The following CACHD1 variants were observed in gnomAD, a reference collection of about 807,000 sequenced individuals.
CACHD1 encodes the protein VWFA and cache domain-containing protein 1.
Under a neutral mutation model 138.7 loss-of-function variants are expected in CACHD1, and 71 were observed. The ratio of observed to expected loss-of-function variants is 0.51; its 90% CI spans 0.42 to 0.62. The LOEUF (loss-of-function observed/expected upper bound fraction) is 0.62. CACHD1 is among the 20% of genes least tolerant of loss of function. The pLI is 0.00. For missense variants in CACHD1, 1,389 were observed against 1,625.3 expected (o/e 0.85, Z 2.50); for synonymous variants, 578 against 591.5 (o/e 0.98, Z 0.33).
At position 64,490,377 on chromosome 1, in the gene CACHD1, TA is replaced by T; in HGVS notation, c.198+19436del. 7.1e-5 allele frequency among the ~76,000 whole-genome samples: 5 copies of T among 70,708 alleles called. 2 individuals carry two copies. The highest frequency in any genetic ancestry group is 1.4e-4 in the African/African-American group (5 of 36,826). 46.4% of individuals were successfully genotyped at this position (70,708 alleles called of 152,430 possible). The stretch of plus-strand genomic sequence containing the variant: ...TTAATAGAAAACATTCATGCACCTC[TA>T]GGGGGGAGAAATTAAAGCACATACT... On this transcript the variant is annotated intron_variant, in intron 1 of 26. Coordinates refer to ENST00000651257, the MANE Select transcript of CACHD1 (RefSeq NM_020925.4).
chr1:64,532,901 C>T (rs989737277), intron 1 of CACHD1, among the ~76,000 whole-genome samples: 1 of 152,136 alleles, frequency 6.6e-6, no homozygotes, highest in Non-Finnish European at 1.5e-5. Context: ...GTAGTAGTAG[C>T]AGCAGCAGCA....
chr1:64,665,821 G>A (rs536491824), intron 15 of CACHD1, among the ~76,000 whole-genome samples: 5 of 152,058 alleles, frequency 3.3e-5, no homozygotes, highest in Admixed American at 6.5e-5. Context: ...TCGAGACCAC[G>A]GTGAAACCCC....
At chr1:64,552,148 GT>G (rs990511608) in intron 2 of CACHD1, among the ~76,000 whole-genome samples, 22 of 152,008 alleles carry the variant, frequency 1.4e-4, no homozygotes, top group African/African-American at 4.6e-4. Context: ...AAATGTGAAA[GT>G]TTTTTCCCCC....
At chr1:64,512,784 G>A (rs1184118113) in intron 1 of CACHD1, among the ~76,000 whole-genome samples, 4 of 152,162 alleles carry the variant, frequency 2.6e-5, no homozygotes, top group Non-Finnish European at 4.4e-5. Context: ...ATCTTTTGGC[G>A]GGGTAGAACT....
chr1:64,548,286 T>C (rs1382549121), intron 1 of CACHD1, among the ~76,000 whole-genome samples: 4 of 152,188 alleles, frequency 2.6e-5, no homozygotes, highest in African/African-American at 7.2e-5. Flanking sequence ...TTTGCCAAGA[T>C]AGAACAGATA....
chr1:64,505,608 C>G (rs1370203914), intron 1 of CACHD1, among the ~76,000 whole-genome samples: 6 of 130,170 alleles, frequency 4.6e-5, no homozygotes, highest in African/African-American at 1.8e-4. Context: ...CCTGGGCACA[C>G]CCTATGCCGC....
intron 1 of CACHD1, among the ~76,000 whole-genome samples, chr1:64,530,334 G>C (rs1485685952): frequency 6.6e-6 from 1 of 152,100 alleles, no homozygotes; most frequent in East Asian, 1.9e-4. Context: ...TTCTTAAATA[G>C]TCAGTGAAAA....
chr1:64,557,004 A>G (rs975229942), intron 2 of CACHD1, among the ~76,000 whole-genome samples: 5 of 152,114 alleles, frequency 3.3e-5, no homozygotes, highest in African/African-American at 4.8e-5. Context: ...CTGTAGTCCC[A>G]GCTACTTGGG....
intron 2 of CACHD1, among the ~76,000 whole-genome samples, chr1:64,566,482 C>CCCCCCG (rs1646882094): frequency 1.1e-5 from 1 of 93,094 alleles, no homozygotes; most frequent in South Asian, 4.5e-4. Flanking sequence ...TTTCAATTCC[C>CCCCCCG]CCCCCCCCAC....
At chr1:64,638,847 A>G (rs893397828) in intron 7 of CACHD1, among the ~76,000 whole-genome samples, 5 of 152,212 alleles carry the variant, frequency 3.3e-5, no homozygotes, top group Admixed American at 6.5e-5. Context: ...TTAAAAAAAC[A>G]AATCAAACCA....
intron 2 of CACHD1, among the ~76,000 whole-genome samples, chr1:64,559,390 A>G (rs1221111998): frequency 6.6e-6 from 1 of 152,228 alleles, no homozygotes; most frequent in African/African-American, 2.4e-5. Context: ...ACTAATGCAG[A>G]AACAGCAAAC....
In CACHD1 at chr1:64,496,863, C is replaced by CAAA. The variant is rs35934967; in HGVS notation, c.198+25935_198+25937dup. ...CCTAGATTTTCCTTAGAAGTTGTCT[C>CAAA]AAAAAAAAAAAAAAAAGAAAGAAAA... On this transcript the variant is annotated intron_variant, in intron 1 of 26. Transcript: ENST00000651257. Among the ~76,000 whole-genome samples the CAAA allele has an allele frequency of 8.3e-3, 709 of 85,360 alleles. 3 individuals carry two copies. Among genetic ancestry groups the CAAA allele is most frequent in the Non-Finnish European group, 0.013 (512 of 39,640 alleles). The allele number at this position is 85,360 out of a possible 152,430, so 56.0% of individuals were successfully genotyped here.
At chr1:64,588,500 C>T (rs1416661613) in intron 3 of CACHD1, among the ~76,000 whole-genome samples, 1 of 151,548 alleles carries the variant, frequency 6.6e-6, no homozygotes, top group Non-Finnish European at 1.5e-5. Context: ...CATGCCTCAG[C>T]CTGCTGAGTA....
chr1:64,671,751 T>G, intron 17 of CACHD1, 65 bp downstream of exon 17: 21 of 1,585,538 alleles, frequency 1.3e-5, no homozygotes, highest in South Asian at 2.2e-5. Context: ...CAGGTATCTC[T>G]AGTTGAATGG....
At chr1:64,603,013 G>A in intron 4 of CACHD1, 101 bp downstream of exon 4, 2 of 543,328 alleles carry the variant, frequency 3.7e-6, no homozygotes. Flanking sequence ...TTGAAGAGAA[G>A]TATTATATAC....
At chr1:64,580,348 A>AAT (rs1647002351) in intron 2 of CACHD1, among the ~76,000 whole-genome samples, 1 of 152,188 alleles carries the variant, frequency 6.6e-6, no homozygotes, top group African/African-American at 2.4e-5. Context: ...TCTCTCAATC[A>AAT]AAGTTTTTCT....
intron 2 of CACHD1, among the ~76,000 whole-genome samples, chr1:64,556,614 G>A (rs1646798983): frequency 6.6e-6 from 1 of 152,122 alleles, no homozygotes; most frequent in Admixed American, 6.5e-5. Flanking sequence ...GGGAGCAAAG[G>A]AATTAACACT....
At chr1:64,555,387 A>G (rs1181632805) in intron 2 of CACHD1, among the ~76,000 whole-genome samples, 1 of 152,090 alleles carries the variant, frequency 6.6e-6, no homozygotes, top group Non-Finnish European at 1.5e-5. Context: ...CTGCCTTCTA[A>G]AACTTCTGCC....
chr1:64,604,825 G>GT (rs1647288474), intron 4 of CACHD1, among the ~76,000 whole-genome samples: 2 of 151,734 alleles, frequency 1.3e-5, no homozygotes, highest in South Asian at 4.2e-4. Flanking sequence ...GCTAATTTTT[G>GT]TATTTTTTGT....
Sources: allele counts gnomAD v4.1 joint callset (sites outside exome capture counted in the v4.1 genomes callset), GRCh38; gene constraint gnomAD v4.1.1; transcripts MANE v1.5; gene names NCBI Gene and HGNC (gene_info 2026-07-23, HGNC 2026-07-21).